The following CCSER1 variants were observed in gnomAD, a reference collection of about 807,000 sequenced individuals.
The protein encoded by CCSER1 is coiled-coil serine rich protein 1, also known as serine-rich coiled-coil domain-containing protein 1.
Under a neutral mutation model 82.0 loss-of-function variants are expected in CCSER1, and 41 were observed. The observed-to-expected ratio is 0.50, with a 90% CI of 0.39 to 0.65. The LOEUF (loss-of-function observed/expected upper bound fraction) is 0.65, where lower values mean the gene tolerates loss of function less well. CCSER1 is among the 30% of genes least tolerant of loss of function. The pLI is 0.00. For missense variants in CCSER1, 1,119 were observed against 1,064.2 expected (o/e 1.05, Z -0.72); for synonymous variants, 414 against 383.9 (o/e 1.08, Z -0.92).
intron 9 of CCSER1, among the ~76,000 whole-genome samples, chr4:90,957,580 A>T (rs1429311121): frequency 2.3e-5 from 3 of 132,568 alleles, no homozygotes; most frequent in Non-Finnish European, 4.6e-5. Flanking sequence ...TATATTATAT[A>T]ATATATTATT....
intron 10 of CCSER1, among the ~76,000 whole-genome samples, chr4:91,330,813 G>C (rs1344450515): frequency 3.9e-5 from 6 of 152,042 alleles, no homozygotes; most frequent in Non-Finnish European, 8.8e-5. Flanking sequence ...GCTTTTCACG[G>C]TTTAAGTTAT....
intron 10 of CCSER1, among the ~76,000 whole-genome samples, chr4:91,211,369 G>A (rs955874851): frequency 7.9e-5 from 12 of 152,016 alleles, no homozygotes; most frequent in African/African-American, 2.2e-4. Context: ...ATGACTTTAA[G>A]CTTTGAGAAA....
intron 10 of CCSER1, among the ~76,000 whole-genome samples, chr4:91,184,120 T>G (rs1272291826): frequency 6.6e-6 from 1 of 152,192 alleles, no homozygotes; most frequent in African/African-American, 2.4e-5. Context: ...GATCATAACA[T>G]TGGAGTAATA....
At position 90,822,624 on chromosome 4, in the gene CCSER1, A is replaced by G. The variant is rs1251858972; in HGVS notation, c.2094+6779A>G. Among the ~76,000 whole-genome samples, 3 of 150,288 alleles carry G rather than the reference A, an allele frequency of 2.0e-5. No homozygotes were observed. The East Asian group carries it at 6.0e-4, about 30-fold the overall frequency. On this transcript the variant is annotated intron_variant, in intron 8 of 10. Coordinates refer to ENST00000509176, the MANE Select transcript of CCSER1 (RefSeq NM_001145065.2). The stretch of plus-strand genomic sequence containing the variant: ...GCACCTGTAATCCCAGCCACTCCCG[A>G]GGCTGAGACAGGAGAATCGTTTGAA...
At chr4:91,480,846 C>T (rs1757868240) in intron 10 of CCSER1, among the ~76,000 whole-genome samples, 1 of 152,152 alleles carries the variant, frequency 6.6e-6, no homozygotes, top group African/African-American at 2.4e-5. Flanking sequence ...CAAGTGTCTT[C>T]TCAATCACTA....
intron 1 of CCSER1, among the ~76,000 whole-genome samples, chr4:90,160,501 AG>A (rs1474884263): frequency 2.0e-5 from 3 of 152,216 alleles, no homozygotes; most frequent in Non-Finnish European, 4.4e-5. Context: ...TTCAAAACAA[AG>A]AAGATGGCTA....
chr4:90,628,980 A>G (rs1438454693), intron 6 of CCSER1, among the ~76,000 whole-genome samples: 1 of 152,178 alleles, frequency 6.6e-6, no homozygotes, highest in Non-Finnish European at 1.5e-5. Flanking sequence ...AAGTAAGTGT[A>G]ATTTCAGGGC....
intron 5 of CCSER1, among the ~76,000 whole-genome samples, chr4:90,507,938 A>G (rs549410713): frequency 2.9e-4 from 44 of 151,874 alleles, no homozygotes; most frequent in Non-Finnish European, 4.3e-4. Context: ...TTTTATATGG[A>G]TATAATATTA....
rs1742074397 is a variant in CCSER1 at position 90,221,152 on chromosome 4, GCA to G, written c.-41-87091_-41-87090del. On this transcript the variant is annotated intron_variant, in intron 1 of 10. Transcript: ENST00000509176. The stretch of plus-strand genomic sequence containing the variant: ...ACTTCTAACCTGAGGTGGGAAACAG[GCA>G]ATAGAATACGTAAAATCCTAAACTA... Among the ~76,000 whole-genome samples the G allele has an allele frequency of 3.9e-5, 6 of 152,162 alleles. No homozygotes were observed. The South Asian group carries it at 1.2e-3, about 32-fold the overall frequency.
At chr4:90,129,633 A>G (rs1032045797) in intron 1 of CCSER1, among the ~76,000 whole-genome samples, 2 of 152,318 alleles carry the variant, frequency 1.3e-5, no homozygotes, top group East Asian at 1.9e-4. Flanking sequence ...TGGTCAACCT[A>G]TTGTCAGAGT....
At chr4:90,492,396 A>G (rs1261788079) in intron 5 of CCSER1, among the ~76,000 whole-genome samples, 1 of 151,422 alleles carries the variant, frequency 6.6e-6, no homozygotes, top group Non-Finnish European at 1.5e-5. Context: ...CATCCATTTG[A>G]TTCTTCTCTC....
At chr4:90,807,197 A>G (rs1757632283) in intron 7 of CCSER1, among the ~76,000 whole-genome samples, 1 of 152,130 alleles carries the variant, frequency 6.6e-6, no homozygotes, top group African/African-American at 2.4e-5. Flanking sequence ...GATTGTAAGA[A>G]TCATGATTAT....
chr4:90,233,494 G>T (rs999378121), intron 1 of CCSER1, among the ~76,000 whole-genome samples: 11 of 151,968 alleles, frequency 7.2e-5, no homozygotes, highest in African/African-American at 2.7e-4. Context: ...AAGTGGGGAG[G>T]GATAGCATGG....
At position 91,316,548 on chromosome 4, in the gene CCSER1, A is replaced by C. The variant is rs181619660; in HGVS notation, c.2217+230554A>C. On this transcript the variant is annotated intron_variant, in intron 10 of 10. Transcript: ENST00000509176. The stretch of plus-strand genomic sequence containing the variant: ...GGATATACAATGTTTATTCTATGAC[A>C]CTAAATACGTACGTCCTCTTGGACA... Among the ~76,000 whole-genome samples, 650 of 152,128 alleles carry C rather than the reference A, an allele frequency of 4.3e-3. 1 individual carries two copies. Among genetic ancestry groups the C allele is most frequent in the Non-Finnish European group, 6.9e-3 (468 of 67,962 alleles).
At chr4:90,906,811 A>G (rs1452650078) in intron 8 of CCSER1, among the ~76,000 whole-genome samples, 2 of 151,994 alleles carry the variant, frequency 1.3e-5, no homozygotes, top group African/African-American at 4.8e-5. Flanking sequence ...AATAATTTTC[A>G]AGGTTGAATT....
At chr4:91,523,654 AT>A (rs1760622371) in intron 10 of CCSER1, among the ~76,000 whole-genome samples, 1 of 151,886 alleles carries the variant, frequency 6.6e-6, no homozygotes, top group African/African-American at 2.4e-5. Flanking sequence ...TTTCTAGTTT[AT>A]TTGCGTAGAG....
At chr4:90,605,130 A>T (rs907880126) in intron 5 of CCSER1, among the ~76,000 whole-genome samples, 9 of 152,188 alleles carry the variant, frequency 5.9e-5, no homozygotes, top group Non-Finnish European at 1.2e-4. Context: ...TCTCTCTTGA[A>T]GCCAGCTAGA....
chr4:90,228,664 A>T (rs1743768003), intron 1 of CCSER1, among the ~76,000 whole-genome samples: 1 of 152,302 alleles, frequency 6.6e-6, no homozygotes, highest in South Asian at 2.1e-4. Context: ...CAGATGATCA[A>T]ATTACTCCGA....
chr4:90,141,047 T>TCTAC (rs780373164), intron 1 of CCSER1, among the ~76,000 whole-genome samples: 5 of 151,786 alleles, frequency 3.3e-5, no homozygotes, highest in Non-Finnish European at 2.9e-5. Flanking sequence ...TATCTATCTA[T>TCTAC]CTATCTATCT....
Sources: allele counts gnomAD v4.1 joint callset (sites outside exome capture counted in the v4.1 genomes callset), GRCh38; gene constraint gnomAD v4.1.1; transcripts MANE v1.5; gene names NCBI Gene and HGNC (gene_info 2026-07-23, HGNC 2026-07-21).